KHDRBS3: variants seen among roughly 807,000 people sequenced by gnomAD.
KHDRBS3 encodes the protein KH RNA binding domain containing, signal transduction associated 3, also known as KH domain-containing, RNA-binding, signal transduction-associated protein 3.
KHDRBS3 carries 23 observed loss-of-function variants against 45.6 expected under a neutral mutation model. That is an observed-to-expected ratio of 0.50 (90% CI 0.36 to 0.72). The LOEUF is 0.72. KHDRBS3 is among the 30% of genes least tolerant of loss of function. The pLI, the probability that KHDRBS3 is intolerant of heterozygous loss-of-function variation, is 0.00. For synonymous variants in KHDRBS3, 162 were observed against 156.5 expected (o/e 1.04, Z -0.26); for missense variants, 352 against 424.8 (o/e 0.83, Z 1.51).
chr8:135,565,105 A>G (rs1237433328), intron 5 of KHDRBS3, among the ~76,000 whole-genome samples: 2 of 152,164 alleles, frequency 1.3e-5, no homozygotes, highest in Non-Finnish European at 1.5e-5. Context: ...GGCTGGTGTC[A>G]CCTTGACTTC....
At chr8:135,626,531 C>T (rs1380866629) in intron 7 of KHDRBS3, among the ~76,000 whole-genome samples, 3 of 151,562 alleles carry the variant, frequency 2.0e-5, no homozygotes, top group Admixed American at 6.6e-5. Context: ...GGGCCGGGCG[C>T]GGTGGCTCAC....
At chr8:135,578,940 A>AT (rs527485962) in intron 5 of KHDRBS3, among the ~76,000 whole-genome samples, 13 of 150,992 alleles carry the variant, frequency 8.6e-5, no homozygotes, top group Admixed American at 5.9e-4. Flanking sequence ...AAAACATGCA[A>AT]TTTTTTTTTG....
chr8:135,534,886 A>G (rs1283973234), intron 2 of KHDRBS3, among the ~76,000 whole-genome samples: 1 of 152,166 alleles, frequency 6.6e-6, no homozygotes, highest in African/African-American at 2.4e-5. Flanking sequence ...ATTCACGCTG[A>G]GGCTGCCATG....
intron 1 of KHDRBS3, among the ~76,000 whole-genome samples, chr8:135,495,146 C>T (rs1011849507): frequency 1.8e-4 from 28 of 152,214 alleles, no homozygotes; most frequent in Admixed American, 5.2e-4. Context: ...TAGCCTCTGA[C>T]GATTTGATAA....
chr8:135,617,109 A>G (rs1829950269), intron 7 of KHDRBS3, among the ~76,000 whole-genome samples: 1 of 152,060 alleles, frequency 6.6e-6, no homozygotes, highest in African/African-American at 2.4e-5. Context: ...TGACTGTTTG[A>G]CTTACAACAT....
At chr8:135,521,169 C>A in intron 1 of KHDRBS3, 68 bp from the exon 2 acceptor site, 1 of 896,342 alleles carries the variant, frequency 1.1e-6, no homozygotes, top group Non-Finnish European at 1.8e-6. Context: ...CACTACAGAG[C>A]TAACCAGAAC....
chr8:135,596,011 A>G (rs1015944799), intron 6 of KHDRBS3, among the ~76,000 whole-genome samples: 1 of 152,220 alleles, frequency 6.6e-6, no homozygotes, highest in African/African-American at 2.4e-5. Flanking sequence ...CGTGAAAGCT[A>G]AAATGGTTAA....
chr8:135,578,417 G>A (rs1472560452), intron 5 of KHDRBS3, among the ~76,000 whole-genome samples: 3 of 150,812 alleles, frequency 2.0e-5, no homozygotes, highest in Middle Eastern at 3.4e-3. Flanking sequence ...CTGTGTCTAG[G>A]TGTCTACTTT....
intron 1 of KHDRBS3, among the ~76,000 whole-genome samples, chr8:135,478,391 A>G (rs550160087): frequency 6.2e-4 from 95 of 152,376 alleles, no homozygotes; most frequent in African/African-American, 2.2e-3. Flanking sequence ...GGAGACTTCA[A>G]TACCCCACTT....
chr8:135,513,833 A>G (rs1824431761), intron 1 of KHDRBS3, among the ~76,000 whole-genome samples: 1 of 152,170 alleles, frequency 6.6e-6, no homozygotes, highest in Non-Finnish European at 1.5e-5. Context: ...TTCAGTGACT[A>G]AAGAGCTATA....
intron 6 of KHDRBS3, among the ~76,000 whole-genome samples, chr8:135,593,077 A>G (rs1014424600): frequency 1.3e-4 from 20 of 152,134 alleles, no homozygotes; most frequent in Non-Finnish European, 2.4e-4. Flanking sequence ...GTGTTCAGTG[A>G]TCAACCTTGG....
chr8:135,595,608 A>G (rs1255885313), intron 6 of KHDRBS3, among the ~76,000 whole-genome samples: 1 of 152,220 alleles, frequency 6.6e-6, no homozygotes, highest in Admixed American at 6.5e-5. Flanking sequence ...TTTTCCCTGT[A>G]TAGAAGCCTC....
At chr8:135,643,623 C>T (rs1468723300) in intron 7 of KHDRBS3, among the ~76,000 whole-genome samples, 1 of 152,184 alleles carries the variant, frequency 6.6e-6, no homozygotes, top group Admixed American at 6.5e-5. Flanking sequence ...ATAGGAATGG[C>T]CATGCTGTGC....
chr8:135,617,486 C>T (rs1402076238), intron 7 of KHDRBS3, among the ~76,000 whole-genome samples: 1 of 151,958 alleles, frequency 6.6e-6, no homozygotes, highest in Non-Finnish European at 1.5e-5. Flanking sequence ...TCATGTTGGC[C>T]AGGCTGGTCT....
chr8:135,565,069 G>A (rs1013206629), intron 5 of KHDRBS3, among the ~76,000 whole-genome samples: 2 of 152,304 alleles, frequency 1.3e-5, no homozygotes, highest in East Asian at 1.9e-4. Context: ...ATTGGCTGTC[G>A]TGGATAATCG....
At chr8:135,650,242 A>G (rs775992973), downstream of KHDRBS3, among the ~76,000 whole-genome samples, 10 of 152,142 alleles carry the variant, frequency 6.6e-5, no homozygotes, top group Non-Finnish European at 1.3e-4. Flanking sequence ...CCCATGACAC[A>G]CAACTTTGCT....
intron 3 of KHDRBS3, among the ~76,000 whole-genome samples, chr8:135,544,231 G>A (rs975575572): frequency 6.6e-6 from 1 of 152,112 alleles, no homozygotes; most frequent in African/African-American, 2.4e-5. Context: ...TGTTGTTAAG[G>A]GGGTTGGTCA....
At chr8:135,622,884 T>G (rs562582694) in intron 7 of KHDRBS3, among the ~76,000 whole-genome samples, 148 of 152,336 alleles carry the variant, frequency 9.7e-4, no homozygotes, top group Non-Finnish European at 1.8e-3. Flanking sequence ...ATCTTGGTCT[T>G]TCCTCAAAGT....
chr8:135,604,574 T>C (rs1402573107), intron 6 of KHDRBS3, among the ~76,000 whole-genome samples: 1 of 151,954 alleles, frequency 6.6e-6, no homozygotes, highest in Admixed American at 6.6e-5. Flanking sequence ...ATTTTTATTT[T>C]TAAATTACTT....
Sources: gnomAD v4.1 joint callset for allele counts (sites outside exome capture counted in the v4.1 genomes callset) on GRCh38, gnomAD v4.1.1 for gene constraint, MANE v1.5 for transcripts, NCBI Gene and HGNC (gene_info 2026-07-23, HGNC 2026-07-21) for gene names.